PPP1R12B: variants seen among roughly 807,000 people sequenced by gnomAD.
The protein encoded by PPP1R12B is protein phosphatase 1 regulatory subunit 12B.
PPP1R12B carries 76 observed loss-of-function variants against 126.1 expected under a neutral mutation model. The ratio of observed to expected loss-of-function variants is 0.60; its 90% CI spans 0.50 to 0.73. PPP1R12B has a LOEUF of 0.73. Among genes scored for constraint, PPP1R12B ranks in the 30% least tolerant of loss-of-function variants. PPP1R12B has a pLI of 0.00. For missense variants in PPP1R12B, 1,052 were observed against 1,205.1 expected (o/e 0.87, Z 1.88); for synonymous variants, 356 against 434.7 (o/e 0.82, Z 2.25).
intron 13 of PPP1R12B, among the ~76,000 whole-genome samples, chr1:202,452,236 C>A (rs1397502257): frequency 4.6e-5 from 7 of 152,190 alleles, no homozygotes; most frequent in Non-Finnish European, 8.8e-5. Context: ...CGAGATCACG[C>A]CACTGCACTC....
At chr1:202,519,872 A>C (rs752457019) in intron 18 of PPP1R12B, among the ~76,000 whole-genome samples, 9 of 152,068 alleles carry the variant, frequency 5.9e-5, no homozygotes, top group Admixed American at 3.3e-4. Flanking sequence ...TGCGTCTGGG[A>C]CTTGTGTGGA....
At chr1:202,438,555 G>A (rs538185917) in intron 10 of PPP1R12B, 212 of 434,036 alleles carry the variant, frequency 4.9e-4, no homozygotes, top group South Asian at 4.0e-3. Flanking sequence ...GACAGCCCCC[G>A]GTGGAAGAGG....
intron 1 of PPP1R12B, among the ~76,000 whole-genome samples, chr1:202,386,463 C>G (rs905919310): frequency 6.6e-6 from 1 of 152,134 alleles, no homozygotes; most frequent in Admixed American, 6.5e-5. Flanking sequence ...TCCCAAGTAG[C>G]TGGGACTACA....
At chr1:202,372,331 C>A (rs1263908538) in intron 1 of PPP1R12B, among the ~76,000 whole-genome samples, 1 of 151,826 alleles carries the variant, frequency 6.6e-6, no homozygotes, top group Non-Finnish European at 1.5e-5. Context: ...AAGCAAGACC[C>A]CATCTCTAGA....
chr1:202,377,506 G>A (rs1661391253), intron 1 of PPP1R12B, among the ~76,000 whole-genome samples: 1 of 151,684 alleles, frequency 6.6e-6, no homozygotes, highest in Admixed American at 6.6e-5. Flanking sequence ...GGGTTTCACC[G>A]TGTTAGCCAG....
chr1:202,380,659 C>T (rs1340205196), intron 1 of PPP1R12B, among the ~76,000 whole-genome samples: 1 of 152,220 alleles, frequency 6.6e-6, no homozygotes, highest in East Asian at 1.9e-4. Context: ...CTCTTCTTCG[C>T]TGTTGCCTGC....
At chr1:202,544,601 T>C (rs1391743951) in intron 18 of PPP1R12B, among the ~76,000 whole-genome samples, 3 of 152,220 alleles carry the variant, frequency 2.0e-5, no homozygotes, top group Non-Finnish European at 2.9e-5. Context: ...CACATTTTCA[T>C]TGAATTGGTA....
intron 13 of PPP1R12B, among the ~76,000 whole-genome samples, chr1:202,451,687 A>C (rs1199411605): frequency 6.6e-6 from 1 of 151,912 alleles, no homozygotes; most frequent in Non-Finnish European, 1.5e-5. Flanking sequence ...GCTGTTGGGT[A>C]CACCTCCCAG....
intron 1 of PPP1R12B, among the ~76,000 whole-genome samples, chr1:202,375,279 C>T (rs1660995311): frequency 6.6e-6 from 1 of 152,228 alleles, no homozygotes; most frequent in Admixed American, 6.5e-5. Context: ...CCAGGAAAAC[C>T]TGAATATTTC....
chr1:202,500,638 A>T (rs549055087), intron 18 of PPP1R12B, among the ~76,000 whole-genome samples: 1 of 152,282 alleles, frequency 6.6e-6, no homozygotes, highest in East Asian at 1.9e-4. Flanking sequence ...AGGTAGGGGG[A>T]ATAAGTTCTA....
At chr1:202,460,692 G>A (rs1416637496) in intron 13 of PPP1R12B, among the ~76,000 whole-genome samples, 1 of 152,202 alleles carries the variant, frequency 6.6e-6, no homozygotes, top group Middle Eastern at 3.2e-3. Context: ...TGAACAAGAA[G>A]AGAGTGAAAC....
In PPP1R12B at chr1:202,373,577, T is replaced by C. The variant is rs143318975; in HGVS notation, c.291+24435T>C. On this transcript the variant is annotated intron_variant, in intron 1 of 23. Coordinates refer to ENST00000608999, the MANE Select transcript of PPP1R12B (RefSeq NM_002481.4). Reference sequence around the variant, plus strand: ...CCAGCACCATTGTTGAAAAGACCCTTATGCCTTCCTTTTTTTATTGTCAGG... The same window carrying C: ...CCAGCACCATTGTTGAAAAGACCCTCATGCCTTCCTTTTTTTATTGTCAGG... Among the ~76,000 whole-genome samples, 790 of 152,304 alleles carry C rather than the reference T, an allele frequency of 5.2e-3. 1 individual carries two copies. The highest frequency in any genetic ancestry group is 8.3e-3 in the Non-Finnish European group (562 of 68,028).
At chr1:202,425,878 G>A (rs1669439060) in intron 4 of PPP1R12B, among the ~76,000 whole-genome samples, 153 bp downstream of exon 4, 1 of 152,094 alleles carries the variant, frequency 6.6e-6, no homozygotes, top group Admixed American at 6.5e-5. Context: ...CATTTTGCTG[G>A]TATTCATCCA....
intron 1 of PPP1R12B, among the ~76,000 whole-genome samples, chr1:202,377,431 C>T (rs1377152235): frequency 6.6e-6 from 1 of 150,776 alleles, no homozygotes; most frequent in Non-Finnish European, 1.5e-5. Flanking sequence ...GCCTCCCTAG[C>T]AGCTGGGACT....
intron 1 of PPP1R12B, among the ~76,000 whole-genome samples, chr1:202,381,397 G>GGTGT (rs773680210): frequency 0.047 from 1,088 of 23,300 alleles, 28 homozygotes; most frequent in African/African-American, 0.11. Context: ...TGAGCTTTGG[G>GGTGT]GTGTGTGTGT....
intron 18 of PPP1R12B, among the ~76,000 whole-genome samples, chr1:202,511,971 A>G (rs1438813648): frequency 2.0e-5 from 3 of 152,156 alleles, no homozygotes; most frequent in Non-Finnish European, 4.4e-5. Context: ...TCAAGTAGAC[A>G]GTTGTCAACT....
intron 6 of PPP1R12B, among the ~76,000 whole-genome samples, chr1:202,430,365 G>C (rs1380938945): frequency 6.6e-6 from 1 of 152,080 alleles, no homozygotes; most frequent in Admixed American, 6.5e-5. Flanking sequence ...TTCGGTACCT[G>C]TGTTTTCTTT....
intron 18 of PPP1R12B, among the ~76,000 whole-genome samples, chr1:202,523,057 CAG>C (rs1682939249): frequency 1.3e-5 from 2 of 152,296 alleles, no homozygotes; most frequent in African/African-American, 4.8e-5. Flanking sequence ...CTTAATCTAA[CAG>C]ATATATAGCA....
Position 202,422,755 on chromosome 1 carries a change from G to A in PPP1R12B, c.541+17G>A. The A allele has an allele frequency of 6.2e-7, 1 of 1,613,328 alleles. No homozygotes were observed. The highest frequency in any genetic ancestry group is 8.5e-7 in the Non-Finnish European group (1 of 1,179,576). ...AGAAGCAAGGTAACCTCATGGATTG[G>A]AGGGGGCCAGGAAAGATTCTCAAAC... On this transcript the variant is annotated intron_variant, in intron 3 of 23. Coordinates refer to ENST00000608999, the MANE Select transcript of PPP1R12B (RefSeq NM_002481.4).
Sources: allele counts gnomAD v4.1 joint callset (sites outside exome capture counted in the v4.1 genomes callset), GRCh38; gene constraint gnomAD v4.1.1; transcripts MANE v1.5; gene names NCBI Gene and HGNC (gene_info 2026-07-23, HGNC 2026-07-21).